Variants in MBNL3 observed in about 807,000 individuals in gnomAD.
The protein encoded by MBNL3 is muscleblind like splicing regulator 3, also known as muscleblind-like protein 3.
Under a neutral mutation model 24.5 loss-of-function variants are expected in MBNL3, and 6 were observed. The observed-to-expected ratio is 0.25, with a 90% CI of 0.13 to 0.48. The LOEUF is 0.48. Among genes scored for constraint, MBNL3 ranks in the 20% least tolerant of loss-of-function variants. MBNL3 has a pLI of 0.99. For missense variants in MBNL3, 230 were observed against 293.5 expected, an observed-to-expected ratio of 0.78 and a Z score of 1.58; for synonymous variants, 100 against 101.7, an observed-to-expected ratio of 0.98 and a Z score of 0.10.
intron 5 of MBNL3, 84 bp from the exon 6 acceptor site, chrX:132,386,895 C>G (rs190876951): frequency 2.9e-6 from 3 of 1,049,586 alleles, no homozygotes; most frequent in Non-Finnish European, 3.9e-6. Flanking sequence ...TAAGGTATTT[C>G]CTGGGAATCC....
intron 7 of MBNL3, among the ~76,000 whole-genome samples, chrX:132,384,183 C>T (rs1332782963): frequency 8.9e-6 from 1 of 112,218 alleles, no homozygotes; most frequent in Non-Finnish European, 1.9e-5. Context: ...TTACAGAACA[C>T]TGCAGAATCC....
intron 1 of MBNL3, among the ~76,000 whole-genome samples, chrX:132,452,036 C>T (rs904002173): frequency 1.8e-5 from 2 of 110,957 alleles, no homozygotes; most frequent in African/African-American, 3.3e-5. Flanking sequence ...GAGCTGGGTA[C>T]CTCAGTTGGA....
In MBNL3 at chrX:132,374,314, G is replaced by C. The variant is rs904465534; in HGVS notation, c.*5352C>G. 3 of 110,076 alleles carry C rather than the reference G, an allele frequency of 2.7e-5. No homozygotes were observed. Among genetic ancestry groups the C allele is most frequent in the Non-Finnish European group, 5.7e-5 (3 of 52,455 alleles). 9.1% of individuals were successfully genotyped at this position (110,076 alleles called of 1,213,427 possible). The stretch of plus-strand genomic sequence containing the variant: ...TGTGTGTGTGTGTGTGTGTGCACAC[G>C]TGTGTGTGTGTTTATAGGGGGGATT... On this transcript the variant is annotated 3_prime_UTR_variant, in exon 9 of 9. Transcript: ENST00000370853.
At chrX:132,457,446 A>G (rs999718413) in intron 1 of MBNL3, among the ~76,000 whole-genome samples, 65 of 111,073 alleles carry the variant, frequency 5.9e-4, no homozygotes, top group Non-Finnish European at 9.6e-4. Context: ...GGAGGTGAAA[A>G]AGGAGGAGAT....
chrX:132,426,898 T>TG (rs994491611), intron 2 of MBNL3, among the ~76,000 whole-genome samples: 8 of 112,403 alleles, frequency 7.1e-5, no homozygotes, highest in Non-Finnish European at 1.1e-4. Context: ...ATCATTTCTT[T>TG]GGGGAATTGA....
At chrX:132,482,799 A>G in intron 1 of MBNL3, among the ~76,000 whole-genome samples, 1 of 112,447 alleles carries the variant, frequency 8.9e-6, no homozygotes, top group Non-Finnish European at 1.9e-5. Context: ...CGAGCCTGTC[A>G]ATCTGAGTCT....
At chrX:132,386,522 A>C (rs1161196388) in intron 6 of MBNL3, 139 bp downstream of exon 6, 2 of 638,680 alleles carry the variant, frequency 3.1e-6, no homozygotes, top group African/African-American at 4.5e-5. Flanking sequence ...ACTAGCAGAT[A>C]AGCATAACTT....
At chrX:132,413,637 G>T in intron 2 of MBNL3, 1 of 1,053,645 alleles carries the variant, frequency 9.5e-7, no homozygotes, top group Non-Finnish European at 1.2e-6. Context: ...AGCAATTTTT[G>T]ATCCATAGCT....
intron 2 of MBNL3, among the ~76,000 whole-genome samples, chrX:132,437,567 A>T (rs1018480556): frequency 3.6e-5 from 4 of 111,828 alleles, no homozygotes; most frequent in Non-Finnish European, 7.5e-5. Context: ...TTACTCAAGG[A>T]TTGTGAGGTT....
At chrX:132,463,873 T>C (rs887660288) in intron 1 of MBNL3, among the ~76,000 whole-genome samples, 1 of 112,091 alleles carries the variant, frequency 8.9e-6, no homozygotes, top group African/African-American at 3.2e-5. Flanking sequence ...CAAACAAACA[T>C]GATCTGTATA....
At chrX:132,419,044 G>C (rs751418562) in intron 2 of MBNL3, among the ~76,000 whole-genome samples, 3 of 112,841 alleles carry the variant, frequency 2.7e-5, no homozygotes, top group Non-Finnish European at 5.6e-5. Flanking sequence ...AAAGTGCTAG[G>C]GATTATAGGT....
chrX:132,397,060 G>T (rs1411227637), intron 3 of MBNL3, among the ~76,000 whole-genome samples: 1 of 100,485 alleles, frequency 1.0e-5, no homozygotes, highest in Non-Finnish European at 2.0e-5. Flanking sequence ...CCAATACTAA[G>T]GTATTCACTA....
chrX:132,460,686 T>A (rs1380632533), intron 1 of MBNL3, among the ~76,000 whole-genome samples: 2 of 112,041 alleles, frequency 1.8e-5, no homozygotes, highest in Admixed American at 1.9e-4. Flanking sequence ...TACTTTATAG[T>A]GGCTCAATTT....
intron 3 of MBNL3, among the ~76,000 whole-genome samples, chrX:132,403,361 G>C (rs754688665): frequency 3.2e-4 from 36 of 111,341 alleles, no homozygotes; most frequent in African/African-American, 1.1e-3. Flanking sequence ...CATCATAACA[G>C]CTATCATTAA....
intron 1 of MBNL3, among the ~76,000 whole-genome samples, chrX:132,476,869 A>G (rs919196235): frequency 9.0e-6 from 1 of 111,574 alleles, no homozygotes; most frequent in Non-Finnish European, 1.9e-5. Flanking sequence ...TTTGCCTAGA[A>G]CAGTCAACTA....
Position 132,476,867 on chromosome X carries a change from G to C in MBNL3, c.-704+11984C>G, listed in dbSNP as rs750118879. Among the ~76,000 whole-genome samples, 8 of 111,453 alleles carry C rather than the reference G, an allele frequency of 7.2e-5. No homozygotes were observed. The South Asian group carries it at 2.6e-3, about 37-fold the overall frequency. ...AACAATGACTAATTTTGTTTGCCTAGAACAGTCAACTACATGCTTGTTACA... is the reference window on the plus strand; with the variant it reads ...AACAATGACTAATTTTGTTTGCCTACAACAGTCAACTACATGCTTGTTACA... On this transcript the variant is annotated intron_variant, in intron 1 of 8. Transcript: ENST00000370853.
intron 1 of MBNL3, among the ~76,000 whole-genome samples, chrX:132,484,958 C>T (rs984216933): frequency 9.1e-6 from 1 of 109,754 alleles, no homozygotes; most frequent in Non-Finnish European, 1.9e-5. Context: ...CACACACACA[C>T]ATTTAAATCA....
chrX:132,400,109 T>C (rs763910401), intron 3 of MBNL3, among the ~76,000 whole-genome samples: 3 of 111,449 alleles, frequency 2.7e-5, no homozygotes, highest in Non-Finnish European at 5.7e-5. Flanking sequence ...CTATAGAAGA[T>C]ATACCTAATG....
At chrX:132,440,668 T>C (rs1333873357) in intron 1 of MBNL3, among the ~76,000 whole-genome samples, 1 of 111,382 alleles carries the variant, frequency 9.0e-6, no homozygotes, top group African/African-American at 3.3e-5. Flanking sequence ...TGAAGGGAAA[T>C]TGGAGCAACT....
Sources: gnomAD v4.1 joint callset for allele counts (sites outside exome capture counted in the v4.1 genomes callset) on GRCh38, gnomAD v4.1.1 for gene constraint, MANE v1.5 for transcripts, NCBI Gene and HGNC (gene_info 2026-07-23, HGNC 2026-07-21) for gene names.